NLRP4: variants seen among roughly 807,000 people sequenced by gnomAD.
The protein encoded by NLRP4 is NACHT, LRR and PYD domains-containing protein 4.
A neutral mutation model predicts 84.7 loss-of-function variants in NLRP4; 44 were observed. The ratio of observed to expected loss-of-function variants is 0.52; its 90% confidence interval spans 0.41 to 0.67. The LOEUF is 0.67. NLRP4 is among the 30% of genes least tolerant of loss of function. NLRP4 has a pLI of 0.00. For synonymous variants in NLRP4, 544 were observed against 476.4 expected (o/e 1.14, Z -1.85); for missense variants, 1,260 against 1,219.4 (o/e 1.03, Z -0.50).
chr19:55,872,228 A>G (rs1985213999), intron 7 of NLRP4, among the ~76,000 whole-genome samples: 1 of 152,212 alleles, frequency 6.6e-6, no homozygotes, highest in African/African-American at 2.4e-5. Flanking sequence ...TATTAAAAAA[A>G]CACAACATAA....
At chr19:55,852,384 A>G in intron 2 of NLRP4, 24 bp downstream of exon 2, 1 of 1,538,992 alleles carries the variant, frequency 6.5e-7, no homozygotes, top group East Asian at 2.3e-5. Flanking sequence ...GGAAGGGGGA[A>G]GCCTTCTTAT....
chr19:55,857,211 ATG>A (rs1406071881), intron 2 of NLRP4, among the ~76,000 whole-genome samples: 1 of 152,110 alleles, frequency 6.6e-6, no homozygotes, highest in Non-Finnish European at 1.5e-5. Context: ...ATACCTGTGT[ATG>A]TGTCTATTGA....
At chr19:55,841,600 T>C (rs1234150160) in intron 1 of NLRP4, among the ~76,000 whole-genome samples, 1 of 152,160 alleles carries the variant, frequency 6.6e-6, no homozygotes, top group Non-Finnish European at 1.5e-5. Flanking sequence ...CGGTGGCTCA[T>C]GCCTGTAATC....
At chr19:55,876,303 C>T (rs1985368636) in intron 7 of NLRP4, among the ~76,000 whole-genome samples, 1 of 152,106 alleles carries the variant, frequency 6.6e-6, no homozygotes. Context: ...ACAGATTTCC[C>T]CTGAGGAGTC....
At chr19:55,880,337 A>T (rs1334992848) in intron 9 of NLRP4, among the ~76,000 whole-genome samples, 3 of 152,240 alleles carry the variant, frequency 2.0e-5, no homozygotes, top group African/African-American at 7.2e-5. Context: ...ATTAAGGGGA[A>T]GGACTCAAAT....
At chr19:55,839,232 T>TG (rs1175179917) in intron 1 of NLRP4, among the ~76,000 whole-genome samples, 19 of 152,102 alleles carry the variant, frequency 1.2e-4, no homozygotes, top group Non-Finnish European at 2.4e-4. Context: ...ATGCAGTGTT[T>TG]GGTTTTCTGT....
chr19:55,855,104 G>C (rs1984359918), intron 2 of NLRP4, among the ~76,000 whole-genome samples: 1 of 152,162 alleles, frequency 6.6e-6, no homozygotes, highest in South Asian at 2.1e-4. Context: ...CAGCTACCCT[G>C]GAAGCTGAGG....
intron 4 of NLRP4, 109 bp from the exon 5 acceptor site, chr19:55,861,883 C>T: frequency 1.2e-6 from 1 of 812,708 alleles, no homozygotes; most frequent in Non-Finnish European, 2.1e-6. Flanking sequence ...TGTCATTGGG[C>T]TGTGAAATCA....
chr19:55,865,139 A>AC (rs35709763), intron 5 of NLRP4, among the ~76,000 whole-genome samples: 31,510 of 151,832 alleles, frequency 0.21, 3,481 homozygotes, highest in East Asian at 0.4. Context: ...CCTTCTTCCC[A>AC]CCCTCTGCTC....
intron 6 of NLRP4, among the ~76,000 whole-genome samples, chr19:55,870,090 C>T (rs1985114496): frequency 6.7e-6 from 1 of 149,700 alleles, no homozygotes; most frequent in African/African-American, 2.5e-5. Context: ...AGAGCCATAC[C>T]CTGTCTCCAA....
At chr19:55,865,896 C>A (rs1984935362) in intron 5 of NLRP4, among the ~76,000 whole-genome samples, 1 of 152,204 alleles carries the variant, frequency 6.6e-6, no homozygotes, top group Non-Finnish European at 1.5e-5. Context: ...TTAATGGTGT[C>A]CTTTGAAGCA....
rs1984490524 is a variant in NLRP4 at position 55,857,578 on chromosome 19, G to C, written c.281-96G>C. The C allele has an allele frequency of 2.5e-6, 3 of 1,177,618 alleles. No homozygotes were observed. In the South Asian group the frequency reaches 4.3e-5, roughly 17 times the overall value. The allele number at this position is 1,177,618 out of a possible 1,614,324, so 72.9% of individuals were successfully genotyped here. A position where few individuals can be genotyped will look rare whatever the true frequency, so the allele number is the denominator to read the frequency against. On this transcript the variant is annotated intron_variant, in intron 2 of 9. Transcript: ENST00000301295. ...TTTGGCCTGGGGGCCACAGTGTGTA[G>C]ACCCCTGGAAAGATACATCCTGAGA...
Position 55,858,658 on chromosome 19 carries a change from A to G in NLRP4, c.1265A>G (p.Asn422Ser), listed in dbSNP as rs1441723357. 1.2e-6 allele frequency: 2 copies of G among 1,614,114 alleles called. No individual in the cohort carries two copies. The highest frequency in any genetic ancestry group is 1.7e-6 in the Non-Finnish European group (2 of 1,180,006). Residue 422 changes from asparagine to serine, a missense_variant, in exon 3 of 10, where the codon AAT (asparagine) becomes AGT (serine). By Grantham distance (46) the Asn-to-Ser change is conservative (BLOSUM62 1). Coordinates refer to ENST00000301295, the MANE Select transcript of NLRP4 (RefSeq NM_134444.5). The surrounding 1 kb of genome is among the most constrained non-coding windows in gnomAD (Gnocchi z 4.2). ...FEFCEDDLRR[N>S]GVVDADIPAL... is the part of the protein sequence containing the mutation. ...TTTTGTGAAGACGACCTCCGGAGAA[A>G]TGGGGTTGTTGACGCTGACATCCCT...
At chr19:55,853,947 C>CCT in intron 2 of NLRP4, among the ~76,000 whole-genome samples, 1 of 148,890 alleles carries the variant, frequency 6.7e-6, no homozygotes, top group Non-Finnish European at 1.5e-5. Context: ...CTCTTTCTGT[C>CCT]TTTCTCTCTA....
rs1984516716 is a variant in NLRP4 at position 55,858,015 on chromosome 19, G to A, written c.622G>A (p.Glu208Lys). The change falls in exon 3 of 10, where the codon GAG (glutamate) becomes AAG (lysine). Residue 208 changes from glutamate (E) to lysine (K), a missense_variant. Physicochemically the swap from Glu to Lys is moderately conservative, Grantham distance 56. Transcript: ENST00000301295. The surrounding 1 kb of genome is among the most constrained non-coding windows in gnomAD (Gnocchi z 4.2). The part of the protein sequence containing the change: ...PTSLADLISR[E>K]WPDPAAPITE... ...GAGTTTGGCTGACTTGATTTCCAGA[G>A]AGTGGCCTGACCCCGCTGCTCCTAT... 1 of 1,614,090 alleles carries A rather than the reference G, an allele frequency of 6.2e-7. No individual in the cohort carries two copies. Among genetic ancestry groups the A allele is most frequent in the African/African-American group, 1.3e-5 (1 of 74,934 alleles).
Position 55,879,506 on chromosome 19 carries a change from T to TCA in NLRP4, c.2867+542_2867+543insCA, listed in dbSNP as rs1434441737. On this transcript the variant is annotated intron_variant, in intron 9 of 9. Transcript: ENST00000301295. ...GGCAGCCCCCACCCCAGTCTTTTAT[T>TCA]AAGCAGGCAGGTTCTCTGCCTGAGC... is the stretch of plus-strand genomic sequence containing the variant. 6.5e-3 allele frequency among the ~76,000 whole-genome samples: 994 copies of TCA among 152,248 alleles called. 12 individuals are homozygous for TCA. The highest frequency in any genetic ancestry group is 0.021 in the African/African-American group (878 of 41,536).
chr19:55,843,424 C>A (rs566632008), intron 1 of NLRP4, among the ~76,000 whole-genome samples: 9 of 152,042 alleles, frequency 5.9e-5, no homozygotes, highest in Admixed American at 3.3e-4. Context: ...CACAGTGGCT[C>A]ACACACCTGT....
intron 3 of NLRP4, among the ~76,000 whole-genome samples, chr19:55,860,762 C>T (rs1280163698): frequency 1.3e-5 from 2 of 152,034 alleles, no homozygotes; most frequent in Admixed American, 6.6e-5. Context: ...GCTGTGCTGC[C>T]TCATCTTTTA....
chr19:55,867,553 C>T (rs1985008414), intron 5 of NLRP4, among the ~76,000 whole-genome samples, 156 bp from the exon 6 acceptor site: 1 of 152,160 alleles, frequency 6.6e-6, no homozygotes, highest in South Asian at 2.1e-4. Flanking sequence ...CTCTGTACCC[C>T]AGAGACTGGG....
Sources: allele counts gnomAD v4.1 joint callset (sites outside exome capture counted in the v4.1 genomes callset), GRCh38; gene constraint gnomAD v4.1.1; non-coding constraint Gnocchi (gnomAD v3.1); transcripts MANE v1.5; gene names NCBI Gene and HGNC (gene_info 2026-07-23, HGNC 2026-07-21).